PDE1A: variants seen among roughly 807,000 people sequenced by gnomAD.
PDE1A encodes the protein phosphodiesterase 1A, also known as dual specificity calcium/calmodulin-dependent 3',5'-cyclic nucleotide phosphodiesterase 1A.
Under a neutral mutation model 61.7 loss-of-function variants are expected in PDE1A, and 35 were observed. The observed-to-expected ratio is 0.57, with a 90% CI of 0.43 to 0.75. The LOEUF (loss-of-function observed/expected upper bound fraction) is 0.75, where lower values mean the gene tolerates loss of function less well. Ranked by LOEUF, PDE1A falls within the 30% of genes least tolerant of loss-of-function variation. The pLI is 0.00. For missense variants in PDE1A, 597 were observed against 630.6 expected, an observed-to-expected ratio of 0.95 and a Z score of 0.57; for synonymous variants, 232 against 213.2, an observed-to-expected ratio of 1.09 and a Z score of -0.77.
At chr2:182,204,556 C>T (rs1686938344) in intron 8 of PDE1A, among the ~76,000 whole-genome samples, 1 of 152,162 alleles carries the variant, frequency 6.6e-6, no homozygotes, top group Non-Finnish European at 1.5e-5. Flanking sequence ...CCCACTTCCA[C>T]TTAATAAACA....
chr2:182,154,395 T>C (rs1285165545), intron 13 of PDE1A, among the ~76,000 whole-genome samples: 1 of 152,158 alleles, frequency 6.6e-6, no homozygotes, highest in Non-Finnish European at 1.5e-5. Flanking sequence ...CAAATAAACA[T>C]GTATCATTCA....
chr2:182,560,916 T>C, the PDE1A span, among the ~76,000 whole-genome samples: 1 of 152,172 alleles, frequency 6.6e-6, no homozygotes, highest in Non-Finnish European at 1.5e-5. Context: ...TTGTTTTTTC[T>C]TGTAAATTTG....
intron 5 of PDE1A, among the ~76,000 whole-genome samples, 187 bp from the exon 6 acceptor site, chr2:182,230,333 G>A (rs1401263694): frequency 1.3e-5 from 2 of 152,074 alleles, no homozygotes; most frequent in African/African-American, 4.8e-5. Flanking sequence ...AAGAAAGATT[G>A]TAACCCCCAA....
the PDE1A span, among the ~76,000 whole-genome samples, chr2:182,649,158 A>C: frequency 2.0e-5 from 3 of 152,204 alleles, no homozygotes; most frequent in African/African-American, 7.2e-5. Context: ...GTTAGTTGAG[A>C]AGAAACTGGA....
intron 1 of PDE1A, among the ~76,000 whole-genome samples, chr2:182,296,636 G>T (rs1459288087): frequency 6.6e-6 from 1 of 152,122 alleles, no homozygotes. Flanking sequence ...TAGCAAAATT[G>T]CCTTTGGAGG....
chr2:182,279,597 T>C (rs1340179941), intron 1 of PDE1A, among the ~76,000 whole-genome samples: 1 of 151,976 alleles, frequency 6.6e-6, no homozygotes. Context: ...TAAATCTAAA[T>C]ATTAAGGTTT....
At chr2:182,286,881 C>A (rs1342511517) in intron 1 of PDE1A, among the ~76,000 whole-genome samples, 2 of 152,152 alleles carry the variant, frequency 1.3e-5, no homozygotes, top group Non-Finnish European at 2.9e-5. Context: ...GGCCTCCATG[C>A]TTCCAGCCTA....
At position 182,194,882 on chromosome 2, in the gene PDE1A, C is replaced by CACAT. The variant is rs1491320400; in HGVS notation, c.1126-5823_1126-5822insATGT. Among the ~76,000 whole-genome samples the CACAT allele has an allele frequency of 6.0e-4, 6 of 9,948 alleles. No homozygotes were observed. In the African/African-American group the frequency reaches 9.0e-3, roughly 15 times the overall value. The allele number at this position is 9,948 out of a possible 152,430, so 6.5% of individuals were successfully genotyped here. On this transcript the variant is annotated intron_variant, in intron 10 of 13. Transcript: ENST00000351439. ...TTTCTCTGCATTTTTCTGAAATATT[C>CACAT]ACACACACACACACACACACACACA... is the stretch of plus-strand genomic sequence containing the variant.
intron 2 of PDE1A, among the ~76,000 whole-genome samples, chr2:182,481,778 G>A (rs980090722): frequency 5.3e-5 from 8 of 151,888 alleles, no homozygotes; most frequent in African/African-American, 1.9e-4. Flanking sequence ...TGTCCCTGCA[G>A]AGCAGATGGC....
chr2:182,227,128 G>A (rs1488693269), intron 6 of PDE1A, among the ~76,000 whole-genome samples: 1 of 151,852 alleles, frequency 6.6e-6, no homozygotes, highest in African/African-American at 2.4e-5. Context: ...TTTTTTCAAC[G>A]GATCACAATA....
At chr2:182,175,341 A>C (rs1692642002) in intron 13 of PDE1A, among the ~76,000 whole-genome samples, 1 of 152,190 alleles carries the variant, frequency 6.6e-6, no homozygotes, top group Non-Finnish European at 1.5e-5. Context: ...CCTCTCCAGT[A>C]TCTGTTATTT....
At chr2:182,560,781 T>C in the PDE1A span, among the ~76,000 whole-genome samples, 503 of 152,016 alleles carry the variant, frequency 3.3e-3, 5 homozygotes, top group Admixed American at 8.6e-3. Context: ...TGGTATCTCA[T>C]TGTGGTTTTG....
At chr2:182,381,669 A>G (rs1357280865) in intron 1 of PDE1A, among the ~76,000 whole-genome samples, 1 of 152,106 alleles carries the variant, frequency 6.6e-6, no homozygotes, top group Non-Finnish European at 1.5e-5. Flanking sequence ...AAACTTAGCC[A>G]GGCATGGTGG....
the PDE1A span, among the ~76,000 whole-genome samples, chr2:182,635,998 C>T: frequency 7.9e-6 from 1 of 126,564 alleles, no homozygotes; most frequent in African/African-American, 3.0e-5. Context: ...CTCTTTTGCC[C>T]AGGCCGGACT....
At chr2:182,459,263 C>T (rs1039254340) in intron 2 of PDE1A, among the ~76,000 whole-genome samples, 17 of 152,054 alleles carry the variant, frequency 1.1e-4, no homozygotes, top group African/African-American at 4.1e-4. Flanking sequence ...AAATGCTTAA[C>T]ATCTTAAGAG....
At chr2:182,407,461 A>C (rs1702366250) in intron 1 of PDE1A, among the ~76,000 whole-genome samples, 1 of 152,056 alleles carries the variant, frequency 6.6e-6, no homozygotes, top group African/African-American at 2.4e-5. Flanking sequence ...AGCTCACTGC[A>C]ACCTCTGTCT....
intron 2 of PDE1A, among the ~76,000 whole-genome samples, chr2:182,491,479 A>G (rs1688390459): frequency 6.6e-6 from 1 of 152,170 alleles, no homozygotes; most frequent in Non-Finnish European, 1.5e-5. Context: ...AAGAAAAACT[A>G]CTGTAGTTGA....
intron 2 of PDE1A, among the ~76,000 whole-genome samples, chr2:182,451,095 A>ATACAAATGCATAAAGTATTAGTATGTAT (rs1685482132): frequency 1.2e-4 from 11 of 89,556 alleles, no homozygotes; most frequent in South Asian, 5.1e-4. Context: ...TATTTTAACT[A>ATACAAATGCATAAAGTATTAGTATGTAT]GGGCCGGGCG....
At chr2:182,699,031 C>T in the PDE1A span, among the ~76,000 whole-genome samples, 1 of 152,150 alleles carries the variant, frequency 6.6e-6, no homozygotes, top group Non-Finnish European at 1.5e-5. Flanking sequence ...TATTCTTAAG[C>T]ATTAAAGACT....
Sources: allele counts gnomAD v4.1 joint callset (sites outside exome capture counted in the v4.1 genomes callset), GRCh38; gene constraint gnomAD v4.1.1; transcripts MANE v1.5; gene names NCBI Gene and HGNC (gene_info 2026-07-23, HGNC 2026-07-21).